Variants in NAV2 observed in about 807,000 individuals in gnomAD.
NAV2 encodes the protein neuron navigator 2, also known as helicase, APC down-regulated 1.
Under a neutral mutation model 223.2 loss-of-function variants are expected in NAV2, and 54 were observed. The ratio of observed to expected loss-of-function variants is 0.24; its 90% CI spans 0.19 to 0.30. The LOEUF is 0.30. NAV2 is among the 10% of genes least tolerant of loss of function. The probability of loss-of-function intolerance (pLI) is 1.00; values close to 1 mark genes in which losing one functional copy is unlikely to be tolerated. For synonymous variants in NAV2, 1,279 were observed against 1,239.3 expected, an observed-to-expected ratio of 1.03 and a Z score of -0.67; for missense variants, 2,806 against 3,147.5, an observed-to-expected ratio of 0.89 and a Z score of 2.60.
chr11:19,953,991 C>A (rs1319801884), intron 10 of NAV2, among the ~76,000 whole-genome samples: 1 of 152,148 alleles, frequency 6.6e-6, no homozygotes, highest in African/African-American at 2.4e-5. Flanking sequence ...ATGGTCTATT[C>A]TTGATGCCTA....
intron 37 of NAV2, among the ~76,000 whole-genome samples, chr11:20,115,435 ATCCT>A (rs1234541829): frequency 6.6e-6 from 1 of 151,964 alleles, no homozygotes; most frequent in Non-Finnish European, 1.5e-5. Context: ...GATCGAGACC[ATCCT>A]GGCTAACATG....
chr11:19,504,418 T>A (rs1383885855), intron 1 of NAV2: 1 of 152,244 alleles, frequency 6.6e-6, no homozygotes, highest in African/African-American at 2.4e-5. Context: ...CCAAGCCTGA[T>A]GGAAGAGGGA....
intron 30 of NAV2, 85 bp from the exon 31 acceptor site, chr11:20,097,492 A>T (rs1048222045): frequency 9.0e-7 from 1 of 1,105,778 alleles, no homozygotes; most frequent in Non-Finnish European, 1.3e-6. Flanking sequence ...AGAGAATATG[A>T]TCATAAATCA....
intron 1 of NAV2, among the ~76,000 whole-genome samples, chr11:19,738,502 C>G (rs988557084): frequency 1.3e-5 from 2 of 152,154 alleles, no homozygotes; most frequent in African/African-American, 4.8e-5. Context: ...GTGGCTTTTC[C>G]TAATGGGGAA....
intron 36 of NAV2, among the ~76,000 whole-genome samples, chr11:20,113,524 A>C (rs558156382): frequency 1.4e-4 from 21 of 152,260 alleles, no homozygotes; most frequent in African/African-American, 4.8e-4. Flanking sequence ...AAATTAAGTG[A>C]TAATATAGTT....
chr11:19,891,422 CTT>C (rs1473886059), intron 5 of NAV2, among the ~76,000 whole-genome samples: 1 of 152,174 alleles, frequency 6.6e-6, no homozygotes, highest in Non-Finnish European at 1.5e-5. Flanking sequence ...ACCATTAACT[CTT>C]TGGTGAATGG....
Position 20,118,355 on chromosome 11 carries a change from GCCACAGCCTTAGAGCTGC to G in NAV2, c.*98_*115del. On this transcript the variant is annotated 3_prime_UTR_variant, in exon 38 of 38. Coordinates refer to ENST00000349880, the MANE Select transcript of NAV2 (RefSeq NM_145117.5). ...AGATGACTTCCTGAGCCAGCCCCCA[GCCACAGCCTTAGAGCTGC>G]GGGAACACCGAGACCCCCCGTCCTT... 1 of 1,432,838 alleles carries G rather than the reference GCCACAGCCTTAGAGCTGC, an allele frequency of 7.0e-7. No homozygotes were observed. 88.8% of individuals were successfully genotyped at this position (1,432,838 alleles called of 1,614,324 possible). A position where few individuals can be genotyped will look rare whatever the true frequency, so the allele number is the denominator to read the frequency against.
intron 1 of NAV2, among the ~76,000 whole-genome samples, chr11:19,513,149 T>G (rs1423223111): frequency 4.6e-5 from 7 of 152,324 alleles, no homozygotes; most frequent in East Asian, 3.9e-4. Context: ...GACTTGCTTC[T>G]GCTGCAGCAA....
intron 1 of NAV2, among the ~76,000 whole-genome samples, chr11:19,429,418 G>A (rs1590189358): frequency 6.6e-6 from 1 of 152,328 alleles, no homozygotes; most frequent in Non-Finnish European, 1.5e-5. Flanking sequence ...TGGCCTGGGG[G>A]TCAGGAGATT....
intron 1 of NAV2, among the ~76,000 whole-genome samples, chr11:19,375,714 G>A (rs1848619650): frequency 6.6e-6 from 1 of 152,038 alleles, no homozygotes; most frequent in South Asian, 2.1e-4. Context: ...TTCAGGTCCC[G>A]TCACACTACC....
chr11:19,790,539 G>C (rs1221631772), intron 1 of NAV2, among the ~76,000 whole-genome samples: 1 of 152,216 alleles, frequency 6.6e-6, no homozygotes, highest in Middle Eastern at 3.2e-3. Flanking sequence ...CTGTGTAAAT[G>C]TTGCTTTCAT....
chr11:19,656,438 T>G (rs756418702), intron 1 of NAV2, among the ~76,000 whole-genome samples: 49 of 152,044 alleles, frequency 3.2e-4, no homozygotes, highest in Non-Finnish European at 3.7e-4. Context: ...AGAAGGCCAT[T>G]GTGGTGAAAT....
chr11:19,778,917 A>G (rs1251529574), intron 1 of NAV2, among the ~76,000 whole-genome samples: 1 of 152,198 alleles, frequency 6.6e-6, no homozygotes, highest in Non-Finnish European at 1.5e-5. Flanking sequence ...TGAACTGCAT[A>G]GGGTCAGGTT....
intron 1 of NAV2, among the ~76,000 whole-genome samples, chr11:19,700,550 G>A (rs933188430): frequency 1.3e-5 from 2 of 152,180 alleles, no homozygotes; most frequent in South Asian, 4.1e-4. Flanking sequence ...TTCCAAAAGA[G>A]CAACCGAAAC....
chr11:19,469,764 G>A (rs554635788), intron 1 of NAV2, among the ~76,000 whole-genome samples: 1 of 152,322 alleles, frequency 6.6e-6, no homozygotes, highest in East Asian at 1.9e-4. Flanking sequence ...TGTTCTGTCT[G>A]TTCTACATCT....
intron 1 of NAV2, among the ~76,000 whole-genome samples, chr11:19,608,555 C>A (rs2135307196): frequency 6.6e-6 from 1 of 152,348 alleles, no homozygotes; most frequent in African/African-American, 2.4e-5. Context: ...GAAACTTGTC[C>A]TGTGTCAACC....
chr11:19,861,517 C>T (rs928167221), intron 3 of NAV2, among the ~76,000 whole-genome samples: 5 of 152,166 alleles, frequency 3.3e-5, no homozygotes, highest in South Asian at 2.1e-4. Flanking sequence ...ACGAATATAT[C>T]CTCTTGTCTA....
intron 35 of NAV2, among the ~76,000 whole-genome samples, chr11:20,106,168 T>TATAG (rs1236335331): frequency 1.4e-4 from 2 of 14,144 alleles, no homozygotes; most frequent in Non-Finnish European, 6.3e-4. Context: ...TATATATATA[T>TATAG]ATATATATGT....
chr11:19,881,045 G>A (rs571080530), intron 5 of NAV2, among the ~76,000 whole-genome samples: 23 of 152,238 alleles, frequency 1.5e-4, no homozygotes, highest in African/African-American at 5.5e-4. Context: ...CAAAGCACCA[G>A]CATTAATAAT....
Sources: gnomAD v4.1 joint callset for allele counts (sites outside exome capture counted in the v4.1 genomes callset) on GRCh38, gnomAD v4.1.1 for gene constraint, MANE v1.5 for transcripts, NCBI Gene and HGNC (gene_info 2026-07-23, HGNC 2026-07-21) for gene names.